Variants in UBE2U observed in about 807,000 individuals in gnomAD.
UBE2U encodes the protein ubiquitin conjugating enzyme E2 U.
In UBE2U, 39 loss-of-function variants were observed where a neutral mutation model predicts 41.2. The observed-to-expected ratio is 0.95, with a 90% CI of 0.73 to 1.24. The LOEUF (loss-of-function observed/expected upper bound fraction) is 1.24, where lower values mean the gene tolerates loss of function less well. Among genes scored for constraint, UBE2U ranks in the 50% most tolerant of loss-of-function variants. The pLI is 0.00. For missense variants in UBE2U, 336 were observed against 363.1 expected (o/e 0.93, Z 0.61); for synonymous variants, 107 against 117.8 (o/e 0.91, Z 0.60).
At chr1:64,237,266 G>A (rs1644684569) in intron 7 of UBE2U, among the ~76,000 whole-genome samples, 1 of 148,750 alleles carries the variant, frequency 6.7e-6, no homozygotes, top group South Asian at 2.1e-4. Flanking sequence ...AAAAATTCAG[G>A]GCAACCCGTA....
chr1:64,224,777 G>A (rs1189655071), intron 6 of UBE2U, among the ~76,000 whole-genome samples: 1 of 151,326 alleles, frequency 6.6e-6, no homozygotes, highest in Admixed American at 6.6e-5. Context: ...AGTGTTGCAA[G>A]ATTAAAAAGT....
chr1:64,224,835 A>G (rs182158101), intron 6 of UBE2U, among the ~76,000 whole-genome samples: 3 of 152,190 alleles, frequency 2.0e-5, no homozygotes, highest in Non-Finnish European at 2.9e-5. Flanking sequence ...ACACTACTGA[A>G]CTGTACACTT....
intron 7 of UBE2U, among the ~76,000 whole-genome samples, chr1:64,235,375 T>C (rs1644646574): frequency 6.6e-6 from 1 of 152,200 alleles, no homozygotes; most frequent in Non-Finnish European, 1.5e-5. Flanking sequence ...AAGAGTTTCC[T>C]TGAATAATAA....
At chr1:64,233,112 A>T (rs1301618386) in intron 7 of UBE2U, among the ~76,000 whole-genome samples, 1 of 151,650 alleles carries the variant, frequency 6.6e-6, no homozygotes, top group African/African-American at 2.4e-5. Flanking sequence ...GGTTCACGCC[A>T]TTCTCCTGCC....
intron 7 of UBE2U, among the ~76,000 whole-genome samples, chr1:64,236,925 G>T (rs1343132646): frequency 1.3e-5 from 2 of 152,132 alleles, no homozygotes; most frequent in Non-Finnish European, 2.9e-5. Context: ...ATTACATCAG[G>T]ATCTCTGGGA....
chr1:64,258,487 A>T (rs1645131514), intron 8 of UBE2U, among the ~76,000 whole-genome samples: 1 of 148,602 alleles, frequency 6.7e-6, no homozygotes, highest in Admixed American at 6.8e-5. Context: ...CCACCCCAAG[A>T]CAGGTCCCCT....
intron 6 of UBE2U, among the ~76,000 whole-genome samples, chr1:64,230,949 A>C (rs1644553117): frequency 6.6e-6 from 1 of 152,182 alleles, no homozygotes; most frequent in Non-Finnish European, 1.5e-5. Context: ...TTTATGCTGC[A>C]TGTATCCCTG....
At chr1:64,238,226 G>A (rs1415823149) in intron 7 of UBE2U, among the ~76,000 whole-genome samples, 1 of 152,150 alleles carries the variant, frequency 6.6e-6, no homozygotes, top group East Asian at 1.9e-4. Flanking sequence ...CCAACATGGC[G>A]AAACCCCATC....
chr1:64,247,019 C>T (rs775966810), intron 8 of UBE2U, among the ~76,000 whole-genome samples: 3 of 150,972 alleles, frequency 2.0e-5, no homozygotes, highest in Admixed American at 6.6e-5. Flanking sequence ...GAAACTATTG[C>T]CACTTGTCTT....
At chr1:64,258,429 G>A (rs919816596) in intron 8 of UBE2U, among the ~76,000 whole-genome samples, 2 of 149,678 alleles carry the variant, frequency 1.3e-5, no homozygotes, top group South Asian at 2.1e-4. Flanking sequence ...CCATTAACTC[G>A]TCATTTACAT....
intron 5 of UBE2U, among the ~76,000 whole-genome samples, chr1:64,218,962 T>C (rs1284995586): frequency 1.3e-5 from 2 of 152,178 alleles, no homozygotes; most frequent in Non-Finnish European, 2.9e-5. Context: ...TTCCTCTCCA[T>C]TTCTGAATTG....
intron 4 of UBE2U, among the ~76,000 whole-genome samples, chr1:64,212,006 A>T (rs1377047734): frequency 2.0e-5 from 3 of 152,252 alleles, no homozygotes; most frequent in African/African-American, 7.2e-5. Flanking sequence ...TGTATTTGAA[A>T]ATAAATAAAA....
intron 4 of UBE2U, among the ~76,000 whole-genome samples, chr1:64,212,766 G>T (rs1426904276): frequency 2.0e-5 from 3 of 152,066 alleles, no homozygotes; most frequent in Non-Finnish European, 2.9e-5. Context: ...TCCTCAAAAA[G>T]TTTTGAATTC....
chr1:64,241,322 G>C (rs1200618389), intron 7 of UBE2U, among the ~76,000 whole-genome samples: 1 of 152,052 alleles, frequency 6.6e-6, no homozygotes, highest in East Asian at 1.9e-4. Flanking sequence ...CATTTTGTTT[G>C]GTCTGTTAAT....
intron 6 of UBE2U, among the ~76,000 whole-genome samples, chr1:64,227,531 A>G (rs825179): frequency 0.013 from 1,938 of 152,328 alleles, 29 homozygotes; most frequent in African/African-American, 0.044. Flanking sequence ...GCCAGGCGCC[A>G]TGGCTCATGC....
chr1:64,209,648 G>C (rs1274749324), intron 3 of UBE2U, among the ~76,000 whole-genome samples: 1 of 152,118 alleles, frequency 6.6e-6, no homozygotes, highest in African/African-American at 2.4e-5. Flanking sequence ...CTTGAGGGGA[G>C]AGAAGGGTTA....
chr1:64,234,449 AT>A, intron 7 of UBE2U, among the ~76,000 whole-genome samples: 1 of 152,194 alleles, frequency 6.6e-6, no homozygotes, highest in African/African-American at 2.4e-5. Flanking sequence ...GTCTCTTTAT[AT>A]TTCATCTCAT....
At chr1:64,247,785 G>T (rs890773965) in intron 8 of UBE2U, among the ~76,000 whole-genome samples, 1 of 151,258 alleles carries the variant, frequency 6.6e-6, no homozygotes, top group Non-Finnish European at 1.5e-5. Flanking sequence ...GAACATTTGA[G>T]CCCAGTAGGT....
chr1:64,229,664 T>C (rs1321059099), intron 6 of UBE2U, among the ~76,000 whole-genome samples: 11 of 151,906 alleles, frequency 7.2e-5, no homozygotes, highest in Admixed American at 4.6e-4. Context: ...TATTTAGGGG[T>C]TTAATTGTTA....
Sources: allele counts gnomAD v4.1 joint callset (sites outside exome capture counted in the v4.1 genomes callset), GRCh38; gene constraint gnomAD v4.1.1; transcripts MANE v1.5; gene names NCBI Gene and HGNC (gene_info 2026-07-23, HGNC 2026-07-21).